The following IFT22 variants were observed in gnomAD, a reference collection of about 807,000 sequenced individuals.
IFT22 encodes the protein intraflagellar transport 22, also known as intraflagellar transport protein 22 homolog.
IFT22 carries 13 observed loss-of-function variants against 21.0 expected under a neutral mutation model. The ratio of observed to expected loss-of-function variants is 0.62; its 90% CI spans 0.40 to 0.98. The LOEUF (loss-of-function observed/expected upper bound fraction) is 0.98. Among genes scored for constraint, IFT22 ranks in the 50% least tolerant of loss-of-function variants. The pLI is 0.00. For missense variants in IFT22, 227 were observed against 228.9 expected (o/e 0.99, Z 0.06); for synonymous variants, 67 against 82.4 (o/e 0.81, Z 1.01).
At chr7:101,315,607 T>A in intron 4 of IFT22, 1 of 287,990 alleles carries the variant, frequency 3.5e-6, no homozygotes, top group African/African-American at 2.3e-5. Flanking sequence ...GAATTGGAGG[T>A]TTTTCTCCAG....
rs1196517655 is a variant in IFT22 at position 101,312,202 on chromosome 7, G to A, written c.*2932C>T. The stretch of plus-strand genomic sequence containing the variant: ...GCGGATCACTCAAGGACAGGAGTTC[G>A]AGATCAGCTGGGGCAACATGGCAAA... On this transcript the variant is annotated 3_prime_UTR_variant, in exon 5 of 5. Coordinates refer to ENST00000315322, the MANE Select transcript of IFT22 (RefSeq NM_022777.4). 2.0e-5 allele frequency among the ~76,000 whole-genome samples: 3 copies of A among 152,058 alleles called. No homozygotes were observed. The highest frequency in any genetic ancestry group is 6.6e-5 in the Admixed American group (1 of 15,250).
intron 1 of IFT22, 32 bp downstream of exon 1, chr7:101,321,639 C>T: frequency 6.3e-7 from 1 of 1,581,696 alleles, no homozygotes; most frequent in Middle Eastern, 1.7e-4. Context: ...GCCTGCTCCC[C>T]GCTCCCTCTG....
At chr7:101,321,030 C>G (rs936188344) in intron 1 of IFT22, among the ~76,000 whole-genome samples, 1 of 152,208 alleles carries the variant, frequency 6.6e-6, no homozygotes, top group African/African-American at 2.4e-5. Context: ...GTAATCTCAG[C>G]TACTCAGGAG....
At position 101,321,753 on chromosome 7, in the gene IFT22, G is replaced by C; in HGVS notation, c.-44C>G. The C allele has an allele frequency of 1.3e-6, 2 of 1,561,252 alleles. No individual in the cohort carries two copies. The highest frequency in any genetic ancestry group is 1.7e-6 in the Non-Finnish European group (2 of 1,151,908). ...AGCCGGCCGGAGCCCACGGGAGGCG[G>C]CGCGTCAGGACGGAGCTCTACTTGG... On this transcript the variant is annotated 5_prime_UTR_variant, in exon 1 of 5. Coordinates refer to ENST00000315322, the MANE Select transcript of IFT22 (RefSeq NM_022777.4).
rs1790217104 is a variant in IFT22 at position 101,318,144 on chromosome 7, C to G, written c.186G>C (p.Trp62Cys). Reference protein sequence around the residue: ...NKGTGCEFELWDCGGDAKFES... With the variant: ...NKGTGCEFELCDCGGDAKFES... Reference sequence around the variant, plus strand: ...CATACTTAGCATCGCCACCACAGTCCCATAGCTCGAATTCACAGCCCGTGC... The same window carrying G: ...CATACTTAGCATCGCCACCACAGTCGCATAGCTCGAATTCACAGCCCGTGC... The change falls in exon 3 of 5, where the codon TGG becomes TGC. Residue 62 changes from tryptophan (W) to cysteine (C), a missense_variant. By Grantham distance (215) the Trp-to-Cys change is radical. Coordinates refer to ENST00000315322, the MANE Select transcript of IFT22 (RefSeq NM_022777.4). 6.2e-7 allele frequency: 1 copy of G among 1,613,258 alleles called. No homozygotes were observed. Among genetic ancestry groups the G allele is most frequent in the South Asian group, 1.1e-5 (1 of 91,078 alleles).
rs1223418001 is a variant in IFT22, at chr7:101,311,735, G to C, written c.*3399C>G. ...TGAATGAAAAATAACTCCATGGCTG[G>C]GTGCAGTGGCTCACACCTGTAATCC... is the stretch of plus-strand genomic sequence containing the variant. On this transcript the variant is annotated 3_prime_UTR_variant, in exon 5 of 5. Transcript: ENST00000315322. Among the ~76,000 whole-genome samples, 2 of 152,152 alleles carry C rather than the reference G, an allele frequency of 1.3e-5. No individual in the cohort carries two copies. The highest frequency in any genetic ancestry group is 3.8e-4 in the East Asian group (2 of 5,204).
intron 3 of IFT22, 48 bp from the exon 4 acceptor site, chr7:101,316,590 T>C: frequency 1.3e-6 from 2 of 1,580,232 alleles, no homozygotes; most frequent in Non-Finnish European, 1.7e-6. Context: ...CATTCTGGTT[T>C]CTAACTGTGG....
At chr7:101,318,262 G>A (rs1237479634) in intron 2 of IFT22, 49 bp from the exon 3 acceptor site, 13 of 1,443,804 alleles carry the variant, frequency 9.0e-6, no homozygotes, top group Middle Eastern at 1.8e-4. Context: ...GCTCACGCCT[G>A]TAATCTCAGC....
At chr7:101,319,144 C>T in intron 1 of IFT22, 112 bp from the exon 2 acceptor site, 1 of 952,064 alleles carries the variant, frequency 1.1e-6, no homozygotes, top group South Asian at 1.4e-5. Context: ...AGGTCATGGG[C>T]ACCCTGAGAT....
At chr7:101,319,135 G>A in intron 1 of IFT22, 103 bp from the exon 2 acceptor site, 1 of 1,056,344 alleles carries the variant, frequency 9.5e-7, no homozygotes, top group Non-Finnish European at 1.4e-6. Flanking sequence ...GTGCAGTATA[G>A]GTCATGGGCA....
chr7:101,316,751 G>A (rs1166693303), intron 3 of IFT22, among the ~76,000 whole-genome samples: 6 of 151,952 alleles, frequency 3.9e-5, no homozygotes, highest in East Asian at 1.9e-4. Flanking sequence ...GTGAAACCCC[G>A]TCTCTACTAA....
rs769664986 is a variant in IFT22, at chr7:101,321,675, C to T, written c.35G>A (p.Cys12Tyr). The change falls in exon 1 of 5, where the codon TGC becomes TAC. Residue 12 changes from cysteine (C) to tyrosine (Y), a missense_variant. Coordinates refer to ENST00000315322, the MANE Select transcript of IFT22 (RefSeq NM_022777.4). ...LKAKILFVGP[C>Y]ESGKTVLANF... Reference sequence around the variant, plus strand: ...CCGCGCCGGGCCAGGACTTACCTCGCAAGGCCCCACGAAGAGGATCTTGGC... The same window carrying T: ...CCGCGCCGGGCCAGGACTTACCTCGTAAGGCCCCACGAAGAGGATCTTGGC... 1 of 1,602,612 alleles carries T rather than the reference C, an allele frequency of 6.2e-7. No homozygotes were observed. Among genetic ancestry groups the T allele is most frequent in the East Asian group, 2.3e-5 (1 of 44,356 alleles).
chr7:101,316,550 G>A lies in IFT22; in HGVS notation c.207-8C>T. 1 of 1,613,436 alleles carries A rather than the reference G, an allele frequency of 6.2e-7. No homozygotes were observed. Among genetic ancestry groups the A allele is most frequent in the Non-Finnish European group, 8.5e-7 (1 of 1,179,434 alleles). On this transcript the variant is annotated splice_polypyrimidine_tract_variant and splice_region_variant and intron_variant, in intron 3 of 4. Transcript: ENST00000315322. ...GGCCAGCAGGACTCAAACCTGCGAG[G>A]AAGAAAAGGAACAACAGGGAAAGTT...
chr7:101,321,161 A>C (rs1790335295), intron 1 of IFT22, among the ~76,000 whole-genome samples: 1 of 152,060 alleles, frequency 6.6e-6, no homozygotes, highest in South Asian at 2.1e-4. Flanking sequence ...AAAACAAAAC[A>C]AAAACAACAA....
chr7:101,314,935 G>T lies in IFT22; in HGVS notation c.*199C>A, dbSNP rs983349913. The stretch of plus-strand genomic sequence containing the variant: ...CCAGGAAATCCAAATTTGATAATAG[G>T]ATTTTCTCAACTGAACTCAGGGCAG... On this transcript the variant is annotated 3_prime_UTR_variant, in exon 5 of 5. Coordinates refer to ENST00000315322, the MANE Select transcript of IFT22 (RefSeq NM_022777.4). 12 of 554,174 alleles carry T rather than the reference G, an allele frequency of 2.2e-5. No individual in the cohort carries two copies. Among genetic ancestry groups the T allele is most frequent in the Middle Eastern group, 4.7e-4 (1 of 2,122 alleles). The allele number at this position is 554,174 out of a possible 1,614,324, so 34.3% of individuals were successfully genotyped here.
chr7:101,318,065 G>A (rs902663515), intron 3 of IFT22, 59 bp downstream of exon 3: 13 of 1,481,136 alleles, frequency 8.8e-6, no homozygotes, highest in Non-Finnish European at 1.2e-5. Flanking sequence ...ACCGCCCCTG[G>A]CTTGGGCAGC....
In IFT22 at chr7:101,312,131, CAAT is replaced by C. The variant is rs1789994311; in HGVS notation, c.*3000_*3002del. 6.6e-6 allele frequency among the ~76,000 whole-genome samples: 1 copy of C among 151,986 alleles called. No individual in the cohort carries two copies. The highest frequency in any genetic ancestry group is 1.5e-5 in the Non-Finnish European group (1 of 68,016). On this transcript the variant is annotated 3_prime_UTR_variant, in exon 5 of 5. Coordinates refer to ENST00000315322, the MANE Select transcript of IFT22 (RefSeq NM_022777.4). ...TTAGAGGTTGTGTATGGGCTGGGCA[CAAT>C]GACTCATGCCTGTAATCCCACCACT... is the stretch of plus-strand genomic sequence containing the variant.
At chr7:101,319,119 G>A (rs1018539543) in intron 1 of IFT22, 87 bp from the exon 2 acceptor site, 145 of 1,326,752 alleles carry the variant, frequency 1.1e-4, no homozygotes, top group South Asian at 1.0e-3. Flanking sequence ...CCTGGAACCC[G>A]GTGTGGTGCA....
In IFT22 at chr7:101,317,303, C is replaced by T. The variant is rs201871617; in HGVS notation, c.207-761G>A. ...TCTCCTGATTACTGGTACACACCAC[C>T]GTACTGGGCTAAGTTTTGTATTTTT... is the stretch of plus-strand genomic sequence containing the variant. On this transcript the variant is annotated intron_variant, in intron 3 of 4. Coordinates refer to ENST00000315322, the MANE Select transcript of IFT22 (RefSeq NM_022777.4). Among the ~76,000 whole-genome samples, 7 of 152,162 alleles carry T rather than the reference C, an allele frequency of 4.6e-5. No individual in the cohort carries two copies. In the East Asian group the frequency reaches 1.2e-3, roughly 25 times the overall value.
Sources: gnomAD v4.1 joint callset for allele counts (sites outside exome capture counted in the v4.1 genomes callset) on GRCh38, gnomAD v4.1.1 for gene constraint, MANE v1.5 for transcripts, NCBI Gene and HGNC (gene_info 2026-07-23, HGNC 2026-07-21) for gene names.